SDK1: variants seen among roughly 807,000 people sequenced by gnomAD.
SDK1 encodes protein sidekick-1.
SDK1 carries 157 observed loss-of-function variants against 245.5 expected under a neutral mutation model. That is an observed-to-expected ratio of 0.64 (90% CI 0.56 to 0.73). SDK1 has a LOEUF of 0.73. Among genes scored for constraint, SDK1 ranks in the 30% least tolerant of loss-of-function variants. The pLI is 0.00. For synonymous variants in SDK1, 1,647 were observed against 1,278.5 expected (o/e 1.29, Z -6.15); for missense variants, 3,583 against 3,002.3 (o/e 1.19, Z -4.52).
chr7:3,512,400 A>G (rs926279974), intron 1 of SDK1, among the ~76,000 whole-genome samples: 8 of 152,198 alleles, frequency 5.3e-5, no homozygotes, highest in African/African-American at 9.6e-5. Flanking sequence ...AGTTTTCGCA[A>G]TTATGAATAA....
rs188900416 is a variant in SDK1 at position 4,016,444 on chromosome 7, C to G, written c.2421-727C>G. Among the ~76,000 whole-genome samples the G allele has an allele frequency of 2.6e-5, 4 of 152,356 alleles. No homozygotes were observed. The East Asian group carries it at 7.7e-4, about 29-fold the overall frequency. On this transcript the variant is annotated intron_variant, in intron 16 of 44. Transcript: ENST00000404826. Reference sequence around the variant, plus strand: ...TTCTATAGACTGAATCATGGAGAAACATATGCTAATCAAAATAATACAATG... The same window carrying G: ...TTCTATAGACTGAATCATGGAGAAAGATATGCTAATCAAAATAATACAATG...
intron 38 of SDK1, among the ~76,000 whole-genome samples, chr7:4,217,177 CCCCGGAGCACCCTGCCA>C (rs1411572039): frequency 4.1e-5 from 3 of 73,518 alleles, no homozygotes; most frequent in East Asian, 3.8e-4. Flanking sequence ...GCACCACACC[CCCCGGAGCACCCTGCCA>C]CCCGGAGCAC....
At chr7:4,202,947 A>C (rs562844011) in intron 35 of SDK1, among the ~76,000 whole-genome samples, 2 of 152,290 alleles carry the variant, frequency 1.3e-5, no homozygotes, top group Non-Finnish European at 2.9e-5. Flanking sequence ...TCCACCCACC[A>C]GCAAATTAAG....
At chr7:3,303,433 T>G (rs985719041) in intron 1 of SDK1, among the ~76,000 whole-genome samples, 2 of 152,236 alleles carry the variant, frequency 1.3e-5, no homozygotes, top group South Asian at 2.1e-4. Flanking sequence ...AATCTGCCAG[T>G]GGCTTTGTTT....
chr7:3,765,958 A>G (rs1780240277), intron 4 of SDK1, among the ~76,000 whole-genome samples: 2 of 152,200 alleles, frequency 1.3e-5, no homozygotes, highest in Non-Finnish European at 1.5e-5. Context: ...ACCATCCTCC[A>G]TGAGATACAG....
chr7:3,333,551 C>G (rs1210477900), intron 1 of SDK1, among the ~76,000 whole-genome samples: 1 of 152,098 alleles, frequency 6.6e-6, no homozygotes, highest in Non-Finnish European at 1.5e-5. Flanking sequence ...AGCCTGGATT[C>G]CAGGCTCATC....
chr7:3,362,828 G>C (rs1200238447), intron 1 of SDK1, among the ~76,000 whole-genome samples: 2 of 152,166 alleles, frequency 1.3e-5, no homozygotes, highest in Non-Finnish European at 2.9e-5. Context: ...TGTGTGATTA[G>C]ACTTCTGAGA....
At chr7:3,465,827 T>C (rs1000630397) in intron 1 of SDK1, among the ~76,000 whole-genome samples, 2 of 152,188 alleles carry the variant, frequency 1.3e-5, no homozygotes, top group Admixed American at 1.3e-4. Context: ...CCTTTTGGGT[T>C]GGCCATCAGT....
At chr7:3,781,773 T>A (rs1408698068) in intron 4 of SDK1, among the ~76,000 whole-genome samples, 1 of 151,838 alleles carries the variant, frequency 6.6e-6, no homozygotes, top group Non-Finnish European at 1.5e-5. Flanking sequence ...GTGGCTGAGT[T>A]GAAAAATTCA....
intron 1 of SDK1, among the ~76,000 whole-genome samples, chr7:3,364,264 G>A (rs536182039): frequency 2.0e-5 from 3 of 152,224 alleles, no homozygotes; most frequent in African/African-American, 7.2e-5. Context: ...AGGGTCTTTT[G>A]CGTAGAAAAT....
chr7:3,848,000 A>G (rs576654065), intron 5 of SDK1, among the ~76,000 whole-genome samples: 2 of 152,376 alleles, frequency 1.3e-5, no homozygotes, highest in South Asian at 2.1e-4. Flanking sequence ...CAACATACGT[A>G]TCACATCTAC....
At chr7:3,845,997 C>T (rs907713738) in intron 5 of SDK1, among the ~76,000 whole-genome samples, 1 of 152,142 alleles carries the variant, frequency 6.6e-6, no homozygotes, top group African/African-American at 2.4e-5. Context: ...TTATTTGATG[C>T]AGAAGGGTGA....
At position 3,542,481 on chromosome 7, in the gene SDK1, G is replaced by C. The variant is rs988065766; in HGVS notation, c.299-76599G>C. On this transcript the variant is annotated intron_variant, in intron 1 of 44. Coordinates refer to ENST00000404826, the MANE Select transcript of SDK1 (RefSeq NM_152744.4). Reference sequence around the variant, plus strand: ...CTTTCAGAGAGAAGGACCCAGGGAAGAGGGGCTGAAATGGGAGACATCGTT... The same window carrying C: ...CTTTCAGAGAGAAGGACCCAGGGAACAGGGGCTGAAATGGGAGACATCGTT... Among the ~76,000 whole-genome samples the C allele has an allele frequency of 3.3e-5, 5 of 152,196 alleles. No individual in the cohort carries two copies. In the South Asian group the frequency reaches 6.2e-4, roughly 19 times the overall value.
intron 4 of SDK1, among the ~76,000 whole-genome samples, chr7:3,666,967 T>A (rs935499287): frequency 6.6e-6 from 1 of 151,180 alleles, no homozygotes; most frequent in African/African-American, 2.4e-5. Flanking sequence ...TTTTATTTAC[T>A]TTTTTTTTAA....
intron 5 of SDK1, among the ~76,000 whole-genome samples, chr7:3,914,982 T>G (rs1779314372): frequency 6.6e-6 from 1 of 152,208 alleles, no homozygotes; most frequent in Admixed American, 6.5e-5. Context: ...CTGTGAAACT[T>G]GAATCAGAAT....
chr7:4,233,156 A>T, intron 40 of SDK1, 99 bp from the exon 41 acceptor site: 1 of 1,155,018 alleles, frequency 8.7e-7, no homozygotes, highest in Non-Finnish European at 1.3e-6. Context: ...TGCCTCATCC[A>T]GGGCTGCTGC....
chr7:3,974,361 G>T lies in SDK1; in HGVS notation c.1818-8G>T. 3.7e-6 allele frequency: 6 copies of T among 1,608,738 alleles called. No individual in the cohort carries two copies. The South Asian group carries it at 6.6e-5, about 18-fold the overall frequency. ...TTTGTAACTCAAGACCCTTTGCTTG[G>T]CCCACAGCTACGTTTGGAAGAAGGA... On this transcript the variant is annotated splice_region_variant and splice_polypyrimidine_tract_variant and intron_variant, in intron 12 of 44. Transcript: ENST00000404826.
intron 7 of SDK1, 143 bp downstream of exon 7, chr7:3,952,063 T>A: frequency 1.4e-6 from 1 of 708,972 alleles, no homozygotes; most frequent in South Asian, 1.9e-5. Context: ...ACCTTCGAAA[T>A]CCTTCCTAGC....
intron 4 of SDK1, among the ~76,000 whole-genome samples, chr7:3,732,601 T>A (rs1779212426): frequency 6.6e-6 from 1 of 152,244 alleles, no homozygotes; most frequent in Non-Finnish European, 1.5e-5. Context: ...TGCATTGTCC[T>A]CGGGAAGCAT....
Sources: gnomAD v4.1 joint callset for allele counts (sites outside exome capture counted in the v4.1 genomes callset) on GRCh38, gnomAD v4.1.1 for gene constraint, MANE v1.5 for transcripts, NCBI Gene and HGNC (gene_info 2026-07-23, HGNC 2026-07-21) for gene names.